MACROD2: variants seen among roughly 807,000 people sequenced by gnomAD.
The protein encoded by MACROD2 is mono-ADP ribosylhydrolase 2.
A neutral mutation model predicts 70.4 loss-of-function variants in MACROD2; 36 were observed. The ratio of observed to expected loss-of-function variants is 0.51; its 90% confidence interval spans 0.39 to 0.68. MACROD2 has a LOEUF of 0.68. Among genes scored for constraint, MACROD2 ranks in the 30% least tolerant of loss-of-function variants. MACROD2 has a pLI of 0.00. For synonymous variants in MACROD2, 172 were observed against 178.8 expected, an observed-to-expected ratio of 0.96 and a Z score of 0.30; for missense variants, 496 against 538.4, an observed-to-expected ratio of 0.92 and a Z score of 0.78.
At chr20:15,353,685 C>A (rs938187066) in intron 6 of MACROD2, among the ~76,000 whole-genome samples, 30 of 147,740 alleles carry the variant, frequency 2.0e-4, no homozygotes, top group African/African-American at 7.0e-4. Context: ...AAAAAGTGGG[C>A]AAAGGATATG....
At chr20:15,265,606 A>G (rs570963685) in intron 6 of MACROD2, among the ~76,000 whole-genome samples, 18 of 152,344 alleles carry the variant, frequency 1.2e-4, no homozygotes, top group Admixed American at 9.8e-4. Flanking sequence ...GACAAATCAC[A>G]AGAATGTTCC....
chr20:15,153,448 G>T (rs1216717700), intron 5 of MACROD2, among the ~76,000 whole-genome samples: 2 of 152,166 alleles, frequency 1.3e-5, no homozygotes, highest in African/African-American at 2.4e-5. Flanking sequence ...ATCTGGATGT[G>T]TATGTGCAGG....
At chr20:14,907,868 G>A (rs977445108) in intron 5 of MACROD2, among the ~76,000 whole-genome samples, 4 of 152,078 alleles carry the variant, frequency 2.6e-5, no homozygotes, top group Non-Finnish European at 5.9e-5. Context: ...TTATTTTGGG[G>A]ACACTTCCCC....
chr20:15,433,840 A>C (rs1398237149), intron 7 of MACROD2, among the ~76,000 whole-genome samples: 3 of 152,136 alleles, frequency 2.0e-5, no homozygotes, highest in African/African-American at 7.2e-5. Context: ...TACTCCTATA[A>C]AGCAGGCACA....
rs536045340 is a variant in MACROD2, at chr20:14,690,568, G to A, written c.418+5609G>A. ...ATGAGGAGGTGACGTGACAAGTAAA[G>A]TTTTCTTACAACACAAAGAGAAATA... On this transcript the variant is annotated intron_variant, in intron 5 of 17. Coordinates refer to ENST00000684519, the MANE Select transcript of MACROD2 (RefSeq NM_001351661.2). 3.9e-4 allele frequency among the ~76,000 whole-genome samples: 60 copies of A among 152,272 alleles called. No individual in the cohort carries two copies. The Middle Eastern group carries it at 0.01, about 26-fold the overall frequency.
rs771025631 is a variant in MACROD2 at position 16,019,865 on chromosome 20, A to T, written c.1154-21336A>T. Among the ~76,000 whole-genome samples the T allele has an allele frequency of 1.2e-3, 179 of 152,116 alleles. 2 individuals are homozygous for T. The highest frequency in any genetic ancestry group is 3.6e-3 in the Admixed American group (55 of 15,278). On this transcript the variant is annotated intron_variant, in intron 15 of 17. Coordinates refer to ENST00000684519, the MANE Select transcript of MACROD2 (RefSeq NM_001351661.2). ...GTAGGGCACATAGAGATCACACAGG[A>T]GAGTTTTCAGGTGTCAGCCCCAGCA...
At chr20:14,417,147 C>G (rs1291967111) in intron 3 of MACROD2, among the ~76,000 whole-genome samples, 1 of 151,860 alleles carries the variant, frequency 6.6e-6, no homozygotes, top group Non-Finnish European at 1.5e-5. Context: ...TTCCTAAGTT[C>G]TAGACTTGTT....
At chr20:14,543,286 GA>G (rs2085455073) in intron 4 of MACROD2, among the ~76,000 whole-genome samples, 1 of 152,268 alleles carries the variant, frequency 6.6e-6, no homozygotes, top group East Asian at 1.9e-4. Flanking sequence ...AGGCAGGACA[GA>G]ACAGAACAGC....
At chr20:14,040,821 G>C (rs1208277933) in intron 2 of MACROD2, among the ~76,000 whole-genome samples, 2 of 152,176 alleles carry the variant, frequency 1.3e-5, no homozygotes, top group East Asian at 3.8e-4. Flanking sequence ...TATATGGCCT[G>C]TTATTAATTG....
intron 5 of MACROD2, among the ~76,000 whole-genome samples, chr20:15,189,298 A>G (rs2076554345): frequency 6.6e-6 from 1 of 151,898 alleles, no homozygotes; most frequent in Admixed American, 6.6e-5. Context: ...TTAAAATTCT[A>G]GAAATACTTA....
At chr20:14,882,413 C>G (rs1171717530) in intron 5 of MACROD2, among the ~76,000 whole-genome samples, 1 of 152,140 alleles carries the variant, frequency 6.6e-6, no homozygotes, top group African/African-American at 2.4e-5. Context: ...GTAAAAGGTA[C>G]TTCCCTGAAG....
chr20:15,798,212 C>G (rs1419909219), intron 8 of MACROD2, among the ~76,000 whole-genome samples: 6 of 152,162 alleles, frequency 3.9e-5, no homozygotes, highest in Non-Finnish European at 7.3e-5. Flanking sequence ...TGAAAGAGCA[C>G]AGTGGGGATG....
chr20:14,670,575 C>A (rs1216274478), intron 4 of MACROD2, among the ~76,000 whole-genome samples: 1 of 152,074 alleles, frequency 6.6e-6, no homozygotes, highest in African/African-American at 2.4e-5. Context: ...AATTTCTTAT[C>A]CAGAATGTCA....
chr20:15,111,190 T>TA (rs34231084), intron 5 of MACROD2, among the ~76,000 whole-genome samples: 1 of 143,090 alleles, frequency 7.0e-6, no homozygotes, highest in African/African-American at 2.5e-5. Context: ...TTTTTTTTTT[T>TA]GCGACGGAGT....
intron 5 of MACROD2, among the ~76,000 whole-genome samples, chr20:15,207,609 A>G (rs960719472): frequency 6.6e-6 from 1 of 150,914 alleles, no homozygotes; most frequent in Non-Finnish European, 1.5e-5. Context: ...CGCCTGGCTA[A>G]TTTTTGTATT....
intron 8 of MACROD2, among the ~76,000 whole-genome samples, chr20:15,822,287 G>T (rs1352029690): frequency 1.3e-5 from 2 of 152,092 alleles, no homozygotes; most frequent in Admixed American, 6.6e-5. Context: ...CTAAAATGTG[G>T]TGTGTATGTT....
At chr20:14,404,825 C>G (rs910909373) in intron 3 of MACROD2, among the ~76,000 whole-genome samples, 4 of 151,606 alleles carry the variant, frequency 2.6e-5, no homozygotes, top group Admixed American at 6.6e-5. Flanking sequence ...AAATGCAACA[C>G]TAGAAATGAA....
intron 5 of MACROD2, among the ~76,000 whole-genome samples, chr20:15,154,721 G>A (rs1446460910): frequency 6.6e-6 from 1 of 152,144 alleles, no homozygotes; most frequent in Non-Finnish European, 1.5e-5. Flanking sequence ...ATTCATAAGG[G>A]CTCCACCCTC....
chr20:15,172,210 G>C (rs1028889558), intron 5 of MACROD2, among the ~76,000 whole-genome samples: 2 of 151,970 alleles, frequency 1.3e-5, no homozygotes, highest in Non-Finnish European at 2.9e-5. Context: ...TGGAGGAAGA[G>C]GCAAAAAGGA....
Sources: gnomAD v4.1 joint callset for allele counts (sites outside exome capture counted in the v4.1 genomes callset) on GRCh38, gnomAD v4.1.1 for gene constraint, MANE v1.5 for transcripts, NCBI Gene and HGNC (gene_info 2026-07-23, HGNC 2026-07-21) for gene names.